DOCK1: variants seen among roughly 807,000 people sequenced by gnomAD.
DOCK1 encodes the protein dedicator of cytokinesis protein 1.
Under a neutral mutation model 262.7 loss-of-function variants are expected in DOCK1, and 138 were observed. That is an observed-to-expected ratio of 0.53 (90% CI 0.46 to 0.61). DOCK1 has a LOEUF of 0.61. DOCK1 is among the 20% of genes least tolerant of loss of function. The pLI is 0.00. For missense variants in DOCK1, 1,908 were observed against 2,370.7 expected, an observed-to-expected ratio of 0.80 and a Z score of 4.05; for synonymous variants, 866 against 867.4, an observed-to-expected ratio of 1.00 and a Z score of 0.03.
intron 49 of DOCK1, among the ~76,000 whole-genome samples, chr10:127,439,504 G>A (rs1284502805): frequency 6.6e-6 from 1 of 152,190 alleles, no homozygotes; most frequent in Non-Finnish European, 1.5e-5. Context: ...CGCTCTGTTG[G>A]ACTTGTTTCC....
At position 127,037,789 on chromosome 10, in the gene DOCK1, G is replaced by A; in HGVS notation, c.1983G>A (p.Met661Ile). 3 of 1,597,586 alleles carry A rather than the reference G, an allele frequency of 1.9e-6. No individual in the cohort carries two copies. Among genetic ancestry groups the A allele is most frequent in the Non-Finnish European group, 8.5e-7 (1 of 1,172,036 alleles). Reference protein sequence around the residue: ...SLLQQNLRQLMKVDGGEVVKF... With the variant: ...SLLQQNLRQLIKVDGGEVVKF... ...TGCAGCAGAACTTGAGGCAGCTGAT[G>A]AAAGTCGATGGTGGTGAAGTAGTGA... is the stretch of plus-strand genomic sequence containing the variant. The change falls in exon 19 of 52, where the codon ATG becomes ATA. Residue 661 changes from methionine to isoleucine, a missense_variant. Coordinates refer to ENST00000623213, the MANE Select transcript of DOCK1 (RefSeq NM_001290223.2).
intron 29 of DOCK1, 50 bp downstream of exon 29, chr10:127,257,479 G>A: frequency 6.6e-7 from 1 of 1,515,168 alleles, no homozygotes; most frequent in Non-Finnish European, 9.0e-7. Flanking sequence ...CCCAATTCAT[G>A]TCTGCTGGGA....
chr10:126,934,175 C>A (rs2034387160), intron 1 of DOCK1, among the ~76,000 whole-genome samples: 1 of 152,102 alleles, frequency 6.6e-6, no homozygotes, highest in Non-Finnish European at 1.5e-5. Flanking sequence ...TCTTGTTGCC[C>A]AGGCTGAAAA....
chr10:127,261,970 G>GACAC (rs1258541184), intron 29 of DOCK1, among the ~76,000 whole-genome samples: 2 of 146,952 alleles, frequency 1.4e-5, no homozygotes, highest in African/African-American at 5.1e-5. Flanking sequence ...GCTCCTCTGT[G>GACAC]TGCATGTGGG....
At chr10:126,942,087 C>T (rs981800771) in intron 1 of DOCK1, among the ~76,000 whole-genome samples, 19 of 152,012 alleles carry the variant, frequency 1.2e-4, no homozygotes, top group South Asian at 1.0e-3. Flanking sequence ...TGCAGTGGCA[C>T]GATCTCGGCT....
At chr10:127,199,581 G>T (rs1036992069) in intron 27 of DOCK1, among the ~76,000 whole-genome samples, 3 of 152,188 alleles carry the variant, frequency 2.0e-5, no homozygotes, top group Non-Finnish European at 2.9e-5. Context: ...AACAAAGGAA[G>T]CCAGACGCCC....
intron 1 of DOCK1, among the ~76,000 whole-genome samples, chr10:126,913,149 C>T (rs2032059713): frequency 6.6e-6 from 1 of 152,152 alleles, no homozygotes; most frequent in Non-Finnish European, 1.5e-5. Flanking sequence ...GTTTGAGATC[C>T]AAACAGGAAC....
intron 29 of DOCK1, among the ~76,000 whole-genome samples, chr10:127,288,802 C>CACAT (rs1564966922): frequency 6.7e-6 from 1 of 148,324 alleles, no homozygotes; most frequent in East Asian, 2.0e-4. Context: ...CACACACACA[C>CACAT]ACACATAAAA....
At chr10:127,307,621 G>A (rs2061923061) in intron 29 of DOCK1, among the ~76,000 whole-genome samples, 1 of 152,192 alleles carries the variant, frequency 6.6e-6, no homozygotes, top group Non-Finnish European at 1.5e-5. Flanking sequence ...GCAACCTCTG[G>A]GTTTCCAGTC....
chr10:127,034,443 C>T (rs540249309), intron 18 of DOCK1, among the ~76,000 whole-genome samples: 1 of 152,270 alleles, frequency 6.6e-6, no homozygotes, highest in African/African-American at 2.4e-5. Flanking sequence ...GTCCCTCCCA[C>T]AACACGTGGG....
At chr10:127,441,781 C>T (rs570592134) in intron 49 of DOCK1, among the ~76,000 whole-genome samples, 2 of 151,786 alleles carry the variant, frequency 1.3e-5, no homozygotes, top group Non-Finnish European at 2.9e-5. Flanking sequence ...GTTTTCCCTC[C>T]TCACCCCTGT....
intron 27 of DOCK1, among the ~76,000 whole-genome samples, chr10:127,223,988 A>T (rs1455681426): frequency 6.6e-6 from 1 of 151,882 alleles, no homozygotes; most frequent in Non-Finnish European, 1.5e-5. Flanking sequence ...TGCCATGATA[A>T]CTCTGGTGTT....
At position 126,995,519 on chromosome 10, in the gene DOCK1, A is replaced by C. The variant is rs1472013551; in HGVS notation, c.474-1229A>C. ...GTCAGGTGTGGCGGCGCGCGCCTGC[A>C]ATCCCAGGCACTCCGCAGGCTGAGG... is the stretch of plus-strand genomic sequence containing the variant. On this transcript the variant is annotated intron_variant, in intron 6 of 51. Coordinates refer to ENST00000623213, the MANE Select transcript of DOCK1 (RefSeq NM_001290223.2). This position sits in a 1 kb window ranked among gnomAD's most constrained non-coding sequence, Gnocchi z 5.8. Among the ~76,000 whole-genome samples, 7 of 152,224 alleles carry C rather than the reference A, an allele frequency of 4.6e-5. No individual in the cohort carries two copies.
chr10:127,044,941 A>T (rs2044245029), intron 21 of DOCK1, among the ~76,000 whole-genome samples: 1 of 152,126 alleles, frequency 6.6e-6, no homozygotes, highest in African/African-American at 2.4e-5. Context: ...TCACACCTGT[A>T]ATCCCAGCAC....
intron 29 of DOCK1, among the ~76,000 whole-genome samples, chr10:127,291,132 C>T (rs1340266212): frequency 6.6e-6 from 1 of 152,166 alleles, no homozygotes; most frequent in Non-Finnish European, 1.5e-5. Context: ...GGGAAGACAT[C>T]CCTTGTTCTC....
At chr10:127,200,211 A>C (rs970484979) in intron 27 of DOCK1, among the ~76,000 whole-genome samples, 1 of 152,154 alleles carries the variant, frequency 6.6e-6, no homozygotes, top group African/African-American at 2.4e-5. Context: ...TGCAAAGTGA[A>C]AACAAGTTTA....
At chr10:127,252,020 T>A (rs1034831145) in intron 28 of DOCK1, among the ~76,000 whole-genome samples, 4 of 152,000 alleles carry the variant, frequency 2.6e-5, no homozygotes, top group African/African-American at 7.2e-5. Flanking sequence ...AAAGTGTTCC[T>A]ATTTCTCCAC....
At chr10:126,959,886 C>T (rs1184788983) in intron 1 of DOCK1, among the ~76,000 whole-genome samples, 2 of 151,896 alleles carry the variant, frequency 1.3e-5, no homozygotes, top group Admixed American at 6.6e-5. Flanking sequence ...GGTGCAATCT[C>T]GGCTCACTGC....
chr10:127,372,920 G>T (rs976283618), intron 33 of DOCK1, among the ~76,000 whole-genome samples: 3 of 152,124 alleles, frequency 2.0e-5, no homozygotes, highest in Admixed American at 2.0e-4. Context: ...GTAACCTCAG[G>T]GCCCCCTGCA....
Sources: allele counts gnomAD v4.1 joint callset (sites outside exome capture counted in the v4.1 genomes callset), GRCh38; gene constraint gnomAD v4.1.1; non-coding constraint Gnocchi (gnomAD v3.1); transcripts MANE v1.5; gene names NCBI Gene and HGNC (gene_info 2026-07-23, HGNC 2026-07-21).